Variants in ESRP1 observed in about 807,000 individuals in gnomAD.
ESRP1 encodes epithelial splicing regulatory protein 1, also known as RNA-binding motif protein 35A.
A neutral mutation model predicts 81.7 loss-of-function variants in ESRP1; 33 were observed. The observed-to-expected ratio is 0.40, with a 90% CI of 0.31 to 0.54. ESRP1 has a LOEUF of 0.54. ESRP1 is among the 20% of genes least tolerant of loss of function. The pLI, the probability that ESRP1 is intolerant of heterozygous loss-of-function variation, is 0.41. For synonymous variants in ESRP1, 320 were observed against 303.3 expected, an observed-to-expected ratio of 1.06 and a Z score of -0.57; for missense variants, 672 against 833.1, an observed-to-expected ratio of 0.81 and a Z score of 2.38.
At chr8:94,682,676 C>T (rs1474513297) in intron 13 of ESRP1, among the ~76,000 whole-genome samples, 2 of 98,496 alleles carry the variant, frequency 2.0e-5, no homozygotes, top group Non-Finnish European at 5.0e-5. Context: ...CAAGTAACAA[C>T]ATTTTGCGCC....
intron 14 of ESRP1, among the ~76,000 whole-genome samples, chr8:94,694,169 A>G (rs1809508067): frequency 6.6e-6 from 1 of 152,250 alleles, no homozygotes; most frequent in Non-Finnish European, 1.5e-5. Flanking sequence ...AAGAAAGTTC[A>G]AAGAAAGTTT....
At chr8:94,669,270 A>C (rs1223871090) in intron 10 of ESRP1, among the ~76,000 whole-genome samples, 1 of 152,082 alleles carries the variant, frequency 6.6e-6, no homozygotes, top group East Asian at 1.9e-4. Flanking sequence ...TGCTTTTCCA[A>C]CTTGCTCTAT....
chr8:94,669,092 G>A (rs1360412109), intron 10 of ESRP1, among the ~76,000 whole-genome samples: 1 of 152,114 alleles, frequency 6.6e-6, no homozygotes, highest in Non-Finnish European at 1.5e-5. Context: ...GCAACTTTCA[G>A]CATTTTTGAG....
chr8:94,706,145 AT>A lies in ESRP1; in HGVS notation c.*258del. ...ATGCAGCATACCTGGCTCTTTGCTG[AT>A]TGCAAATAGGCATTTAAAATGTGAA... On this transcript the variant is annotated 3_prime_UTR_variant, in exon 16 of 16. Transcript: ENST00000433389. 1 of 539,968 alleles carries A rather than the reference AT, an allele frequency of 1.9e-6. No homozygotes were observed. Among genetic ancestry groups the A allele is most frequent in the Non-Finnish European group, 3.2e-6 (1 of 308,908 alleles). The allele number at this position is 539,968 out of a possible 1,614,324, so 33.4% of individuals were successfully genotyped here. A position where few individuals can be genotyped will look rare whatever the true frequency, so the allele number is the denominator to read the frequency against.
At chr8:94,678,948 G>A (rs899966892) in intron 13 of ESRP1, among the ~76,000 whole-genome samples, 7 of 152,210 alleles carry the variant, frequency 4.6e-5, no homozygotes, top group African/African-American at 1.7e-4. Context: ...TGGAGAGAAT[G>A]TTGTCAGTCT....
chr8:94,653,910 G>T (rs548355396), intron 4 of ESRP1, among the ~76,000 whole-genome samples: 1 of 152,326 alleles, frequency 6.6e-6, no homozygotes, highest in South Asian at 2.1e-4. Flanking sequence ...CATAACATGA[G>T]CCAAATCGGC....
chr8:94,653,882 T>C (rs528828529), intron 4 of ESRP1, among the ~76,000 whole-genome samples: 196 of 152,328 alleles, frequency 1.3e-3, no homozygotes, highest in African/African-American at 4.6e-3. Context: ...GAAGGAATTA[T>C]CTCTGGCATC....
rs1432477337 is a variant in ESRP1 at position 94,669,711 on chromosome 8, C to CA, written c.1233+1470dup. Among the ~76,000 whole-genome samples the CA allele has an allele frequency of 9.3e-4, 140 of 150,846 alleles. 1 individual carries two copies. The highest frequency in any genetic ancestry group is 3.3e-3 in the African/African-American group (136 of 41,148). On this transcript the variant is annotated intron_variant, in intron 10 of 15. Transcript: ENST00000433389. Reference sequence around the variant, plus strand: ...TGAAACTCCATCTCTGCTGAAAATACAAAAAAAAATTAGGCAGTCATGGCA... The same window carrying CA: ...TGAAACTCCATCTCTGCTGAAAATACAAAAAAAAAATTAGGCAGTCATGGCA...
At chr8:94,677,898 G>T (rs975130780) in intron 12 of ESRP1, among the ~76,000 whole-genome samples, 2 of 152,118 alleles carry the variant, frequency 1.3e-5, no homozygotes, top group Non-Finnish European at 2.9e-5. Context: ...TGTAGTAACT[G>T]GCACTCAGGA....
intron 4 of ESRP1, among the ~76,000 whole-genome samples, chr8:94,654,819 T>C (rs990487685): frequency 6.6e-6 from 1 of 151,490 alleles, no homozygotes; most frequent in African/African-American, 2.4e-5. Context: ...TGGTCCATGC[T>C]ACTTGGGAGG....
At position 94,670,318 on chromosome 8, in the gene ESRP1, C is replaced by G. The variant is rs572836948; in HGVS notation, c.1234-1135C>G. 3.9e-4 allele frequency among the ~76,000 whole-genome samples: 59 copies of G among 152,246 alleles called. 1 individual carries two copies. Among genetic ancestry groups the G allele is most frequent in the African/African-American group, 1.4e-3 (59 of 41,516 alleles). Reference sequence around the variant, plus strand: ...TCACCATTTCCTGTCCTGAGTTTATCTATTACTACACTAATTTTCTATTCT... The same window carrying G: ...TCACCATTTCCTGTCCTGAGTTTATGTATTACTACACTAATTTTCTATTCT... On this transcript the variant is annotated intron_variant, in intron 10 of 15. Coordinates refer to ENST00000433389, the MANE Select transcript of ESRP1 (RefSeq NM_017697.4).
At chr8:94,703,506 G>T (rs1049687436) in intron 15 of ESRP1, among the ~76,000 whole-genome samples, 2 of 152,084 alleles carry the variant, frequency 1.3e-5, no homozygotes, top group Non-Finnish European at 2.9e-5. Context: ...GTTCGAGAAG[G>T]CTAAACGTTT....
chr8:94,682,654 ACC>A (rs775011879), intron 13 of ESRP1, among the ~76,000 whole-genome samples: 46,982 of 151,274 alleles, frequency 0.31, 8,712 homozygotes, highest in East Asian at 0.56. Context: ...GGTGTGAGCC[ACC>A]ATGCCCAGCC....
rs1817563296 is a variant in ESRP1, at chr8:94,641,198, A to AG, written c.-115dup. The stretch of plus-strand genomic sequence containing the variant: ...CCTTTTGCACTAGCAGTAGCAAGGA[A>AG]GGGGGGTGGGCGCTCTTTCTTTTTC... On this transcript the variant is annotated 5_prime_UTR_variant, in exon 1 of 16. Transcript: ENST00000433389. The AG allele has an allele frequency of 1.2e-5, 12 of 968,730 alleles. No homozygotes were observed. The South Asian group carries it at 1.6e-4, about 13-fold the overall frequency. The allele number at this position is 968,730 out of a possible 1,614,324, so 60.0% of individuals were successfully genotyped here. A position where few individuals can be genotyped will look rare whatever the true frequency, so the allele number is the denominator to read the frequency against.
At chr8:94,641,645 C>T (rs965255856) in intron 1 of ESRP1, 195 bp downstream of exon 1, 2 of 813,304 alleles carry the variant, frequency 2.5e-6, no homozygotes, top group Non-Finnish European at 3.8e-6. Flanking sequence ...TTTCAGTCCT[C>T]CGCAACTTAG....
At chr8:94,653,927 A>C (rs1818276102) in intron 4 of ESRP1, among the ~76,000 whole-genome samples, 1 of 152,226 alleles carries the variant, frequency 6.6e-6, no homozygotes, top group Non-Finnish European at 1.5e-5. Context: ...CGGCATGGAC[A>C]CTGGCCTGTC....
chr8:94,661,351 C>A (rs1818737185), intron 4 of ESRP1, among the ~76,000 whole-genome samples: 1 of 152,222 alleles, frequency 6.6e-6, no homozygotes, highest in South Asian at 2.1e-4. Context: ...TGCAACAAAG[C>A]ATTTTTGAAT....
chr8:94,692,654 C>T, intron 13 of ESRP1, 23 bp from the exon 14 acceptor site: 8 of 1,609,426 alleles, frequency 5.0e-6, no homozygotes, highest in Non-Finnish European at 6.8e-6. Context: ...CCTATTGGTT[C>T]ACTGTGCTTT....
At chr8:94,659,463 C>T (rs1204434516) in intron 4 of ESRP1, among the ~76,000 whole-genome samples, 2 of 152,174 alleles carry the variant, frequency 1.3e-5, no homozygotes, top group African/African-American at 4.8e-5. Flanking sequence ...CATCTCTCTC[C>T]CTCTCCTTGG....
Sources: allele counts gnomAD v4.1 joint callset (sites outside exome capture counted in the v4.1 genomes callset), GRCh38; gene constraint gnomAD v4.1.1; transcripts MANE v1.5; gene names NCBI Gene and HGNC (gene_info 2026-07-23, HGNC 2026-07-21).